TKT: variants seen among roughly 807,000 people sequenced by gnomAD.
The protein encoded by TKT is epididymis luminal protein 107.
Under a neutral mutation model 63.9 loss-of-function variants are expected in TKT, and 47 were observed. The ratio of observed to expected loss-of-function variants is 0.74; its 90% CI spans 0.58 to 0.94. The LOEUF is 0.94. TKT is among the 40% of genes least tolerant of loss of function. TKT has a pLI of 0.00. For synonymous variants in TKT, 338 were observed against 334.1 expected (o/e 1.01, Z -0.13); for missense variants, 721 against 846.2 (o/e 0.85, Z 1.84).
chr3:53,245,095 G>GC (rs2106714726), intron 1 of TKT, among the ~76,000 whole-genome samples: 1 of 151,594 alleles, frequency 6.6e-6, no homozygotes, highest in East Asian at 1.9e-4. Context: ...CCTGAGGTCA[G>GC]GAGTTTAAGA....
intron 5 of TKT, 97 bp from the exon 6 acceptor site, chr3:53,233,371 C>T (rs1553677703): frequency 6.9e-6 from 6 of 866,682 alleles, no homozygotes; most frequent in African/African-American, 1.7e-5. Context: ...TGGGGTCTGC[C>T]CAGGCTCCAC....
chr3:53,232,763 G>C (rs575811977), intron 6 of TKT: 5 of 405,668 alleles, frequency 1.2e-5, no homozygotes, highest in Non-Finnish European at 2.2e-5. Context: ...AGTTCTCTCC[G>C]GGCCCTGCCT....
At chr3:53,237,552 T>TA (rs2106693153) in intron 4 of TKT, among the ~76,000 whole-genome samples, 1 of 151,230 alleles carries the variant, frequency 6.6e-6, no homozygotes, top group East Asian at 2.0e-4. Flanking sequence ...TACAGATTTG[T>TA]AAGCTTTTCT....
At chr3:53,231,853 C>T (rs1175069503) in intron 6 of TKT, 11 of 414,426 alleles carry the variant, frequency 2.7e-5, no homozygotes, top group African/African-American at 4.0e-5. Flanking sequence ...TGCCCCATCC[C>T]TTCACCAATG....
Position 53,225,429 on chromosome 3 carries a change from A to C in TKT, c.*327T>G. ...GGATGTAGGTCTCAGCCTCTCAGCT[A>C]GAAGGCAGGTTGCAGTCAAATGTCA... is the stretch of plus-strand genomic sequence containing the variant. On this transcript the variant is annotated 3_prime_UTR_variant, in exon 14 of 14. Coordinates refer to ENST00000462138, the MANE Select transcript of TKT (RefSeq NM_001064.4). 1 of 191,144 alleles carries C rather than the reference A, an allele frequency of 5.2e-6. No homozygotes were observed. Among genetic ancestry groups the C allele is most frequent in the Non-Finnish European group, 1.1e-5 (1 of 93,100 alleles). 11.8% of individuals were successfully genotyped at this position (191,144 alleles called of 1,614,324 possible).
chr3:53,230,466 C>T lies in TKT; in HGVS notation c.1098G>A (p.Glu366=), dbSNP rs782491842. The T allele has an allele frequency of 3.7e-6, 6 of 1,614,238 alleles. No homozygotes were observed. The highest frequency in any genetic ancestry group is 2.2e-5 in the South Asian group (2 of 91,088). Residue 366 remains glutamate (E), a synonymous_variant, in exon 8 of 14, where the codon GAG becomes GAA. Transcript: ENST00000462138. Reference sequence around the variant, plus strand: ...CGGCCCCAGCACCTACCATGTTCTGCTCAGCAATGTAGCACTCGATGAAGC... The same window carrying T: ...CGGCCCCAGCACCTACCATGTTCTGTTCAGCAATGTAGCACTCGATGAAGC... ...PDRFIECYIA[E]QNMVSIAVGC... is the part of the protein sequence containing the mutation.
intron 11 of TKT, 32 bp downstream of exon 11, chr3:53,228,244 C>T: frequency 6.2e-7 from 1 of 1,613,590 alleles, no homozygotes; most frequent in Non-Finnish European, 8.5e-7. Context: ...CCAGGCAGCT[C>T]TGTGGGCTCC....
Position 53,252,606 on chromosome 3 carries a change from G to A in TKT, c.107+3230C>T, listed in dbSNP as rs77944828. 2.9e-4 allele frequency among the ~76,000 whole-genome samples: 44 copies of A among 152,196 alleles called. 2 individuals are homozygous for A. In the East Asian group the frequency reaches 6.0e-3, roughly 21 times the overall value. On this transcript the variant is annotated intron_variant, in intron 1 of 13. Coordinates refer to ENST00000462138, the MANE Select transcript of TKT (RefSeq NM_001064.4). The stretch of plus-strand genomic sequence containing the variant: ...CAATGTAAACATGGTGTAACTCTCG[G>A]ACACCACAGTATGTTTCCGGAGGGG...
At chr3:53,229,798 A>G (rs1018594495) in intron 8 of TKT, among the ~76,000 whole-genome samples, 3 of 152,118 alleles carry the variant, frequency 2.0e-5, no homozygotes, top group Non-Finnish European at 4.4e-5. Context: ...CGCCCTGCAG[A>G]GCAGTCTCTG....
chr3:53,227,257 C>A (rs182217717), intron 12 of TKT: 1 of 179,014 alleles, frequency 5.6e-6, no homozygotes. Context: ...AGCTGCAGCC[C>A]GCAGAGTGAT....
rs1131728 is a variant in TKT, at chr3:53,230,469, A to G, written c.1095T>C (p.Ala365=). ...CCCCAGCACCTACCATGTTCTGCTCAGCAATGTAGCACTCGATGAAGCGGT... is the reference window on the plus strand; with the variant it reads ...CCCCAGCACCTACCATGTTCTGCTCGGCAATGTAGCACTCGATGAAGCGGT... The part of the protein sequence containing the change: ...HPDRFIECYI[A]EQNMVSIAVG... Residue 365 remains alanine (A), a synonymous_variant, in exon 8 of 14, where the codon GCT becomes GCC. Coordinates refer to ENST00000462138, the MANE Select transcript of TKT (RefSeq NM_001064.4). 312,123 of 1,614,082 alleles carry G rather than the reference A, an allele frequency of 0.19. 31,596 individuals are homozygous for G. Among genetic ancestry groups the G allele is most frequent in the South Asian group, 0.29 (26,576 of 91,076 alleles).
At chr3:53,254,732 G>A (rs551322927) in intron 1 of TKT, among the ~76,000 whole-genome samples, 78 of 152,288 alleles carry the variant, frequency 5.1e-4, no homozygotes, top group Non-Finnish European at 1.0e-3. Context: ...TGCCATTACT[G>A]TCCCCGCTTT....
At chr3:53,226,018 G>A in intron 13 of TKT, 87 bp from the exon 14 acceptor site, 1 of 1,347,932 alleles carries the variant, frequency 7.4e-7, no homozygotes, top group Admixed American at 2.3e-5. Context: ...AGTCAAGGAT[G>A]GAGGAGGCTG....
chr3:53,229,183 C>A (rs577359444), intron 9 of TKT, 46 bp from the exon 10 acceptor site: 13 of 1,613,682 alleles, frequency 8.1e-6, no homozygotes, highest in Middle Eastern at 3.3e-4. Flanking sequence ...CCCCTACCCC[C>A]CCATCCATGG....
In TKT at chr3:53,235,182, CAG is replaced by C. The variant is rs782573644; in HGVS notation, c.438-10_438-9del. 1.1e-5 allele frequency: 18 copies of C among 1,604,576 alleles called. No homozygotes were observed. Among genetic ancestry groups the C allele is most frequent in the African/African-American group, 4.0e-5 (3 of 74,870 alleles). ...AAGCAATAGACTCGGTAGCTGTGGA[CAG>C]AGAGTGAATCAGGCCAGTCCCTCTC... On this transcript the variant is annotated splice_polypyrimidine_tract_variant and intron_variant, in intron 4 of 13. Coordinates refer to ENST00000462138, the MANE Select transcript of TKT (RefSeq NM_001064.4).
Position 53,225,725 on chromosome 3 carries a change from A to C in TKT, c.*31T>G. ...ACCTTTCCCAGAATCTCAGGAATGT[A>C]TAGACCCCCGCCCCACACTTCATAC... On this transcript the variant is annotated 3_prime_UTR_variant, in exon 14 of 14. Coordinates refer to ENST00000462138, the MANE Select transcript of TKT (RefSeq NM_001064.4). 1 of 1,575,708 alleles carries C rather than the reference A, an allele frequency of 6.3e-7. No individual in the cohort carries two copies. The highest frequency in any genetic ancestry group is 1.3e-5 in the African/African-American group (1 of 74,360).
intron 1 of TKT, among the ~76,000 whole-genome samples, chr3:53,252,527 C>G (rs569037396): frequency 6.6e-6 from 1 of 151,938 alleles, no homozygotes; most frequent in East Asian, 1.9e-4. Flanking sequence ...TCCTTTTTTT[C>G]TTTTGCAAAT....
Position 53,230,569 on chromosome 3 carries a change from C to T in TKT, c.995G>A (p.Ser332Asn), listed in dbSNP as rs1575561044. ...GQALAKLGHASDRIIALDGDT... is the reference protein window; with the variant it reads ...GQALAKLGHANDRIIALDGDT... ...CCCATCCAGGGCGATGATGCGGTCACTGGCATGGCCCAGCTTGGCCAGTGC... is the reference window on the plus strand; with the variant it reads ...CCCATCCAGGGCGATGATGCGGTCATTGGCATGGCCCAGCTTGGCCAGTGC... The change falls in exon 8 of 14, where the codon AGT becomes AAT. Residue 332 changes from serine to asparagine, a missense_variant. Coordinates refer to ENST00000462138, the MANE Select transcript of TKT (RefSeq NM_001064.4). 2 of 1,614,122 alleles carry T rather than the reference C, an allele frequency of 1.2e-6. No individual in the cohort carries two copies. The highest frequency in any genetic ancestry group is 2.2e-5 in the East Asian group (1 of 44,894).
Position 53,225,826 on chromosome 3 carries a change from A to T in TKT, c.1802T>A (p.Leu601Gln). The change falls in exon 14 of 14, where the codon CTG becomes CAG. Residue 601 changes from leucine (L) to glutamine (Q), a missense_variant. Coordinates refer to ENST00000462138, the MANE Select transcript of TKT (RefSeq NM_001064.4). Reference sequence around the variant, plus strand: ...CCTGTCGATACCAAACATCTTCAGCAGCTCAGCCGGCTTCCCACTTCTTGG... The same window carrying T: ...CCTGTCGATACCAAACATCTTCAGCTGCTCAGCCGGCTTCCCACTTCTTGG... ...RVPRSGKPAE[L>Q]LKMFGIDRDA... 6.2e-7 allele frequency: 1 copy of T among 1,614,142 alleles called. No individual in the cohort carries two copies. The highest frequency in any genetic ancestry group is 1.6e-4 in the Middle Eastern group (1 of 6,062).
Sources: gnomAD v4.1 joint callset for allele counts (sites outside exome capture counted in the v4.1 genomes callset) on GRCh38, gnomAD v4.1.1 for gene constraint, MANE v1.5 for transcripts, NCBI Gene and HGNC (gene_info 2026-07-23, HGNC 2026-07-21) for gene names.